SACS: variants seen among roughly 807,000 people sequenced by gnomAD.
The protein encoded by SACS is sacsin molecular chaperone.
Under a neutral mutation model 348.0 loss-of-function variants are expected in SACS, and 197 were observed. The observed-to-expected ratio is 0.57, with a 90% CI of 0.50 to 0.64. The LOEUF (loss-of-function observed/expected upper bound fraction) is 0.64, where lower values mean the gene tolerates loss of function less well. Ranked by LOEUF, SACS falls within the 30% of genes least tolerant of loss-of-function variation. The pLI, the probability that SACS is intolerant of heterozygous loss-of-function variation, is 0.00. For synonymous variants in SACS, 1,985 were observed against 1,910.6 expected, an observed-to-expected ratio of 1.04 and a Z score of -1.02; for missense variants, 4,999 against 5,360.8, an observed-to-expected ratio of 0.93 and a Z score of 2.11.
intron 1 of SACS, among the ~76,000 whole-genome samples, chr13:23,431,693 T>G (rs375166027): frequency 3.3e-5 from 5 of 152,170 alleles, no homozygotes; most frequent in Non-Finnish European, 5.9e-5. Flanking sequence ...GAATCGGCCT[T>G]CCTTCTTCCA....
intron 2 of SACS, among the ~76,000 whole-genome samples, chr13:23,408,948 C>CAAGACTCCGTCTCAAAAAAAATAAAA (rs71100181): frequency 0.072 from 10,397 of 144,686 alleles, 518 homozygotes; most frequent in South Asian, 0.11. Context: ...GGCGACAGAG[C>CAAGACTCCGTCTCAAAAAAAATAAAA]AAGACTCCGT....
rs769601118 is a variant in SACS, at chr13:23,355,010, A to G, written c.1602T>C (p.Leu534=). The G allele has an allele frequency of 1.2e-6, 2 of 1,614,244 alleles. No homozygotes were observed. The highest frequency in any genetic ancestry group is 1.7e-5 in the Admixed American group (1 of 60,030). The change falls in exon 8 of 10, where the codon CTT becomes CTC. Residue 534 remains leucine, a synonymous_variant. Transcript: ENST00000382292. ...FPLSVDVIYK[L]WPEASKVKVH... ...CCTTGACTTTGCTCGCCTCCGGCCA[A>G]AGCTTATAGATAACATCAACTGACA...
At chr13:23,350,557 A>G (rs552824033) in intron 9 of SACS, among the ~76,000 whole-genome samples, 1 of 152,328 alleles carries the variant, frequency 6.6e-6, no homozygotes, top group South Asian at 2.1e-4. Flanking sequence ...AAAAGTTTCC[A>G]TATCAGAAAA....
At chr13:23,421,546 C>T (rs1593183592) in intron 1 of SACS, among the ~76,000 whole-genome samples, 1 of 152,072 alleles carries the variant, frequency 6.6e-6, no homozygotes, top group African/African-American at 2.4e-5. Flanking sequence ...TGAGCCTGAA[C>T]GTCCGTCTGA....
chr13:23,333,148 A>G lies in SACS; in HGVS notation c.10728T>C (p.Val3576=), dbSNP rs1883602063. The part of the protein sequence containing the change: ...LEQLIKPKNH[V]TFMTSWVEFL... ...ATTCCACCCAGGATGTCATAAATGT[A>G]ACATGATTTTTGGGTTTTATAAGTT... Residue 3576 remains valine (V), a synonymous_variant, in exon 10 of 10, where the codon GTT becomes GTC. Transcript: ENST00000382292. 2 of 1,612,230 alleles carry G rather than the reference A, an allele frequency of 1.2e-6. No individual in the cohort carries two copies. Among genetic ancestry groups the G allele is most frequent in the African/African-American group, 2.7e-5 (2 of 74,844 alleles).
At position 23,379,132 on chromosome 13, in the gene SACS, C is replaced by T. The variant is rs575322745; in HGVS notation, c.21-3863G>A. 2.6e-5 allele frequency among the ~76,000 whole-genome samples: 4 copies of T among 152,268 alleles called. No individual in the cohort carries two copies. In the South Asian group the frequency reaches 8.3e-4, roughly 32 times the overall value. On this transcript the variant is annotated intron_variant, in intron 2 of 9. Transcript: ENST00000382292. ...CTGGTAGTGAATCGAGGGTGTGACC[C>T]CAGCTCTCGCGCCTGCTGCTGGGAA...
At chr13:23,391,759 C>A (rs906161527) in intron 2 of SACS, among the ~76,000 whole-genome samples, 4 of 152,102 alleles carry the variant, frequency 2.6e-5, no homozygotes, top group African/African-American at 9.7e-5. Context: ...ATACTCCACA[C>A]AGTATGATCG....
In SACS at chr13:23,375,205, A is replaced by T. The variant is rs1274241907; in HGVS notation, c.85T>A (p.Trp29Arg). The T allele has an allele frequency of 6.7e-7, 1 of 1,501,326 alleles. No individual in the cohort carries two copies. Among genetic ancestry groups the T allele is most frequent in the Non-Finnish European group, 8.9e-7 (1 of 1,124,786 alleles). The allele number at this position is 1,501,326 out of a possible 1,614,324, so 93.0% of individuals were successfully genotyped here. ...GCRTVAALAS[W>R]TVRDVKERIF... ...CGTTCCTTCACATCGCGCACGGTCC[A>T]GGACGCCAGCGCCGCGACGGTCCTG... Residue 29 changes from tryptophan (W) to arginine (R), a missense_variant, in exon 3 of 10, where the codon TGG (tryptophan) becomes AGG (arginine). Physicochemically the swap from Trp to Arg is moderately radical, Grantham distance 101. Coordinates refer to ENST00000382292, the MANE Select transcript of SACS (RefSeq NM_014363.6).
chr13:23,337,379 C>A lies in SACS; in HGVS notation c.6497G>T (p.Arg2166Leu). The change falls in exon 10 of 10, where the codon CGT becomes CTT. Residue 2166 changes from arginine to leucine, a missense_variant. Coordinates refer to ENST00000382292, the MANE Select transcript of SACS (RefSeq NM_014363.6). ...DDILWDDMLE[R>L]AVSVAEINKS... ...ATTAATTTCAGCTACTGACACTGCA[C>A]GTTCTAGCATATCATCCCATAAAAT... The A allele has an allele frequency of 1.2e-6, 2 of 1,613,834 alleles. No individual in the cohort carries two copies. The highest frequency in any genetic ancestry group is 1.7e-6 in the Non-Finnish European group (2 of 1,179,868).
chr13:23,419,203 C>T lies in SACS; in HGVS notation c.-501-7463G>A, dbSNP rs1337397485. 4 of 152,346 alleles carry T rather than the reference C, an allele frequency of 2.6e-5. No individual in the cohort carries two copies. In the East Asian group the frequency reaches 7.7e-4, roughly 29 times the overall value. The allele number at this position is 152,346 out of a possible 1,614,324, so 9.4% of individuals were successfully genotyped here. A position where few individuals can be genotyped will look rare whatever the true frequency, so the allele number is the denominator to read the frequency against. ...CTCTGGGGTCATGGGCGGACAGGCA[C>T]GGGAGCTGAGAGAGGGGACCGGGCC... On this transcript the variant is annotated intron_variant, in intron 1 of 9. Coordinates refer to ENST00000382292, the MANE Select transcript of SACS (RefSeq NM_014363.6).
chr13:23,336,811 G>T lies in SACS; in HGVS notation c.7065C>A (p.Asp2355Glu). The T allele has an allele frequency of 6.2e-7, 1 of 1,613,686 alleles. No individual in the cohort carries two copies. Among genetic ancestry groups the T allele is most frequent in the Non-Finnish European group, 8.5e-7 (1 of 1,179,682 alleles). ...TTAAATGAAAAGAAACCTTTTCTGA[G>T]TCAACATATGCATTCTCAACTAGAA... ...SFILVENAYV[D>E]SEKVSFHLNF... is the part of the protein sequence containing the mutation. Residue 2355 changes from aspartate to glutamate, a missense_variant, in exon 10 of 10, where the codon GAC becomes GAA. Asp to Glu is a conservative substitution (Grantham distance 45). This residue lies in a region of SACS where 3,156 missense variants were observed against 3,380.1 expected (regional missense o/e 0.93). Coordinates refer to ENST00000382292, the MANE Select transcript of SACS (RefSeq NM_014363.6).
intron 3 of SACS, among the ~76,000 whole-genome samples, chr13:23,371,856 G>C (rs755186067): frequency 3.3e-5 from 5 of 152,208 alleles, no homozygotes; most frequent in Non-Finnish European, 7.3e-5. Context: ...ACAGGCTGGG[G>C]AGAAGATGCA....
intron 1 of SACS, among the ~76,000 whole-genome samples, chr13:23,415,281 C>T (rs1017108534): frequency 1.7e-4 from 26 of 152,162 alleles, no homozygotes; most frequent in African/African-American, 6.3e-4. Flanking sequence ...ATCCACCCAC[C>T]TCAGCCTTCC....
At chr13:23,401,575 C>T (rs1343590804) in intron 2 of SACS, among the ~76,000 whole-genome samples, 2 of 152,228 alleles carry the variant, frequency 1.3e-5, no homozygotes, top group Non-Finnish European at 2.9e-5. Context: ...TCAACCTTGG[C>T]AAAATAAACT....
chr13:23,420,223 T>C lies in SACS; in HGVS notation c.-501-8483A>G, dbSNP rs1873870730. ...TGCTCTTCATCTTGGACTTGGTGTT[T>C]ACCTGGAACCTGATGTCCAGATGGG... On this transcript the variant is annotated intron_variant, in intron 1 of 9. Transcript: ENST00000382292. 2.6e-5 allele frequency among the ~76,000 whole-genome samples: 4 copies of C among 152,116 alleles called. No homozygotes were observed. The South Asian group carries it at 8.3e-4, about 32-fold the overall frequency.
At chr13:23,407,558 C>T (rs961426473) in intron 2 of SACS, among the ~76,000 whole-genome samples, 1 of 152,174 alleles carries the variant, frequency 6.6e-6, no homozygotes, top group Non-Finnish European at 1.5e-5. Context: ...CAAATATCCT[C>T]TATCACCAAG....
At chr13:23,412,155 A>T (rs188927278) in intron 1 of SACS, among the ~76,000 whole-genome samples, 2 of 152,218 alleles carry the variant, frequency 1.3e-5, no homozygotes, top group African/African-American at 4.8e-5. Flanking sequence ...GCTACTTGGG[A>T]GGCTGAGGCA....
At chr13:23,361,386 ACT>A (rs1183038093) in intron 6 of SACS, among the ~76,000 whole-genome samples, 1 of 152,042 alleles carries the variant, frequency 6.6e-6, no homozygotes, top group Non-Finnish European at 1.5e-5. Flanking sequence ...TCATTGGTTC[ACT>A]CTCTGCCTCT....
At chr13:23,411,142 A>G (rs776422354) in intron 2 of SACS, 78 bp downstream of exon 2, 88 of 1,246,212 alleles carry the variant, frequency 7.1e-5, no homozygotes, top group Non-Finnish European at 1.0e-4. Flanking sequence ...GTTTTTGCCT[A>G]TGTTTCATTT....
Sources: allele counts gnomAD v4.1 joint callset (sites outside exome capture counted in the v4.1 genomes callset), GRCh38; gene constraint gnomAD v4.1.1; regional missense constraint gnomAD v4.1.1; transcripts MANE v1.5; gene names NCBI Gene and HGNC (gene_info 2026-07-23, HGNC 2026-07-21).